Variants in RELN observed in about 807,000 individuals in gnomAD.
RELN encodes the protein reelin.
A neutral mutation model predicts 427.6 loss-of-function variants in RELN; 108 were observed. The observed-to-expected ratio is 0.25, with a 90% confidence interval of 0.22 to 0.30. The LOEUF is 0.30. RELN is among the 10% of genes least tolerant of loss of function. The pLI is 1.00. For missense variants in RELN, 3,715 were observed against 4,302.8 expected (o/e 0.86, Z 3.82); for synonymous variants, 1,524 against 1,513.4 (o/e 1.01, Z -0.16).
intron 53 of RELN, among the ~76,000 whole-genome samples, chr7:103,498,699 C>A (rs1460330785): frequency 6.6e-6 from 1 of 152,010 alleles, no homozygotes; most frequent in Non-Finnish European, 1.5e-5. Flanking sequence ...ACCATGTTGG[C>A]TAGGCTGGTC....
chr7:103,701,811 A>G (rs1834098544), intron 8 of RELN, among the ~76,000 whole-genome samples: 1 of 152,150 alleles, frequency 6.6e-6, no homozygotes, highest in African/African-American at 2.4e-5. Flanking sequence ...TACTATCTTT[A>G]AAATGAATGA....
chr7:103,486,397 G>A lies in RELN; in HGVS notation c.9783C>T (p.Phe3261=), dbSNP rs1248805219. 1.9e-6 allele frequency: 3 copies of A among 1,613,930 alleles called. No homozygotes were observed. Among genetic ancestry groups the A allele is most frequent in the Non-Finnish European group, 2.5e-6 (3 of 1,179,972 alleles). The change falls in exon 61 of 65, where the codon TTC becomes TTT. Residue 3261 remains phenylalanine, a synonymous_variant. Coordinates refer to ENST00000428762, the MANE Select transcript of RELN (RefSeq NM_005045.4). ...TAATATAACTGGGAAGGTCGTGACT[G>A]AAAACAGAGCAGTCATCACCTAGAG... The part of the protein sequence containing the change: ...ESFQGDDCSV[F]SHDLPSYIKD...
chr7:103,560,818 G>A (rs916192347), intron 36 of RELN, among the ~76,000 whole-genome samples: 3 of 152,140 alleles, frequency 2.0e-5, no homozygotes, highest in African/African-American at 7.2e-5. Context: ...GGCATCTATT[G>A]ACTATAATTG....
chr7:103,611,550 T>TTTG, intron 21 of RELN, 61 bp downstream of exon 21: 2 of 1,334,720 alleles, frequency 1.5e-6, no homozygotes, highest in Non-Finnish European at 1.0e-6. Context: ...TTTTTTTTTT[T>TTTG]GGCTTCCTAG....
chr7:103,561,877 C>T lies in RELN; in HGVS notation c.5287G>A (p.Val1763Ile). 6.5e-7 allele frequency: 1 copy of T among 1,537,616 alleles called. No homozygotes were observed. Among genetic ancestry groups the T allele is most frequent in the Non-Finnish European group, 8.8e-7 (1 of 1,136,396 alleles). The change falls in exon 35 of 65, where the codon GTA becomes ATA. Residue 1763 changes from valine to isoleucine, a missense_variant. Coordinates refer to ENST00000428762, the MANE Select transcript of RELN (RefSeq NM_005045.4). The part of the protein sequence containing the change: ...GADSWAIDNV[V>I]LASGCPWMCS... ...ATCCAAGGGCACCCTGAGGCCAGTA[C>T]AACATTATCAATCGCCCAGGAATCA...
In RELN at chr7:103,609,845, A is replaced by G. The variant is rs531331781; in HGVS notation, c.3008+850T>C. 2.4e-4 allele frequency among the ~76,000 whole-genome samples: 36 copies of G among 152,288 alleles called. 1 individual carries two copies. Among genetic ancestry groups the G allele is most frequent in the African/African-American group, 8.2e-4 (34 of 41,574 alleles). On this transcript the variant is annotated intron_variant, in intron 22 of 64. Coordinates refer to ENST00000428762, the MANE Select transcript of RELN (RefSeq NM_005045.4). Reference sequence around the variant, plus strand: ...GAATAATATAATACTTATCTCTTTTATGCTTTTTCTTCTGCACAAATTACA... The same window carrying G: ...GAATAATATAATACTTATCTCTTTTGTGCTTTTTCTTCTGCACAAATTACA...
chr7:103,548,267 A>G (rs1196927155), intron 41 of RELN, among the ~76,000 whole-genome samples: 1 of 152,244 alleles, frequency 6.6e-6, no homozygotes, highest in African/African-American at 2.4e-5. Context: ...AACATTTAAT[A>G]CACTTTTTGT....
intron 63 of RELN, among the ~76,000 whole-genome samples, chr7:103,481,381 G>T (rs1286576704): frequency 1.3e-5 from 2 of 152,148 alleles, no homozygotes; most frequent in Admixed American, 6.5e-5. Flanking sequence ...ACAGGAGTTT[G>T]GTAATGCTTT....
intron 31 of RELN, among the ~76,000 whole-genome samples, chr7:103,570,810 A>AT (rs796353560): frequency 6.2e-4 from 95 of 152,300 alleles, no homozygotes; most frequent in African/African-American, 2.3e-3. Context: ...AAATCATTTT[A>AT]TTTAGCCCAC....
intron 4 of RELN, among the ~76,000 whole-genome samples, chr7:103,760,603 G>A (rs544485411): frequency 1.3e-5 from 2 of 152,086 alleles, no homozygotes; most frequent in African/African-American, 2.4e-5. Context: ...GGTGGTAAAT[G>A]AGCTTTGAGC....
intron 8 of RELN, among the ~76,000 whole-genome samples, chr7:103,720,771 G>A (rs1205896407): frequency 6.6e-6 from 1 of 152,054 alleles, no homozygotes; most frequent in African/African-American, 2.4e-5. Flanking sequence ...TCTAGAATTT[G>A]TGAGTGTTCC....
In RELN at chr7:103,574,261, T is replaced by C. The variant is rs1318585602; in HGVS notation, c.4342A>G (p.Asn1448Asp). ...GTCVSNVPNHNEMFDRFEGKL... is the reference protein window; with the variant it reads ...GTCVSNVPNHDEMFDRFEGKL... ...CCCTCAAACCTATCGAACATCTCATTGTGATTGGGGACATTTGACACACAG... is the reference window on the plus strand; with the variant it reads ...CCCTCAAACCTATCGAACATCTCATCGTGATTGGGGACATTTGACACACAG... The change falls in exon 30 of 65, where the codon AAT (asparagine) becomes GAT (aspartate). Residue 1448 changes from asparagine (N) to aspartate (D), a missense_variant. By Grantham distance (23) the Asn-to-Asp change is conservative. Coordinates refer to ENST00000428762, the MANE Select transcript of RELN (RefSeq NM_005045.4). 6.2e-7 allele frequency: 1 copy of C among 1,614,010 alleles called. No homozygotes were observed. The highest frequency in any genetic ancestry group is 8.5e-7 in the Non-Finnish European group (1 of 1,180,030).
At chr7:103,896,777 T>C (rs1794970542) in intron 2 of RELN, among the ~76,000 whole-genome samples, 1 of 152,096 alleles carries the variant, frequency 6.6e-6, no homozygotes, top group Non-Finnish European at 1.5e-5. Context: ...TAAAATTTTT[T>C]CAATTTTGAT....
intron 11 of RELN, among the ~76,000 whole-genome samples, chr7:103,664,088 T>A (rs1420064457): frequency 6.6e-6 from 1 of 152,154 alleles, no homozygotes; most frequent in Non-Finnish European, 1.5e-5. Context: ...GCTCCATGGT[T>A]AGGGGAACAC....
intron 7 of RELN, among the ~76,000 whole-genome samples, chr7:103,726,767 T>G (rs1790222012): frequency 6.6e-6 from 1 of 152,132 alleles, no homozygotes; most frequent in Non-Finnish European, 1.5e-5. Flanking sequence ...AAATTAAATT[T>G]GTGTTAAGGT....
chr7:103,871,876 C>A (rs1221221161), intron 2 of RELN, among the ~76,000 whole-genome samples: 1 of 151,750 alleles, frequency 6.6e-6, no homozygotes, highest in African/African-American at 2.4e-5. Flanking sequence ...TTCTGGAGAC[C>A]TACCAGAGAT....
At chr7:103,721,920 TTAAAAA>T (rs1397564782) in intron 8 of RELN, among the ~76,000 whole-genome samples, 1 of 152,200 alleles carries the variant, frequency 6.6e-6, no homozygotes, top group Non-Finnish European at 1.5e-5. Flanking sequence ...CCACAACTCT[TTAAAAA>T]TAAAACTTTT....
At chr7:103,853,718 T>C (rs1363950941) in intron 2 of RELN, among the ~76,000 whole-genome samples, 1 of 152,062 alleles carries the variant, frequency 6.6e-6, no homozygotes, top group Non-Finnish European at 1.5e-5. Context: ...AATGTCAAAT[T>C]TATATGTCTC....
intron 11 of RELN, among the ~76,000 whole-genome samples, chr7:103,670,276 T>A (rs957687286): frequency 6.6e-6 from 1 of 152,150 alleles, no homozygotes; most frequent in East Asian, 1.9e-4. Context: ...TACATAAGTA[T>A]GTATATGTGT....
Sources: gnomAD v4.1 joint callset for allele counts (sites outside exome capture counted in the v4.1 genomes callset) on GRCh38, gnomAD v4.1.1 for gene constraint, MANE v1.5 for transcripts, NCBI Gene and HGNC (gene_info 2026-07-23, HGNC 2026-07-21) for gene names.